Variants in POLQ observed in about 807,000 individuals in gnomAD.
POLQ encodes DNA polymerase theta.
POLQ carries 233 observed loss-of-function variants against 259.2 expected under a neutral mutation model. That is an observed-to-expected ratio of 0.90 (90% CI 0.81 to 1.00). POLQ has a LOEUF of 1.00. POLQ is among the 50% of genes least tolerant of loss of function. The probability of loss-of-function intolerance (pLI) is 0.00; values close to 1 mark genes in which losing one functional copy is unlikely to be tolerated. For missense variants in POLQ, 2,871 were observed against 3,051.6 expected (o/e 0.94, Z 1.39); for synonymous variants, 1,025 against 1,048.8 (o/e 0.98, Z 0.44).
intron 19 of POLQ, among the ~76,000 whole-genome samples, chr3:121,477,410 T>C (rs1006378662): frequency 1.3e-5 from 2 of 152,104 alleles, no homozygotes; most frequent in African/African-American, 4.8e-5. Flanking sequence ...AATTCTACAT[T>C]TAGACTTGGG....
chr3:121,468,952 C>T (rs2047860955), intron 22 of POLQ, among the ~76,000 whole-genome samples: 1 of 152,048 alleles, frequency 6.6e-6, no homozygotes, highest in Non-Finnish European at 1.5e-5. Flanking sequence ...GTAAATTTTC[C>T]AGTGAACAGA....
At chr3:121,444,433 G>A (rs1295245640) in intron 26 of POLQ, among the ~76,000 whole-genome samples, 2 of 152,066 alleles carry the variant, frequency 1.3e-5, no homozygotes, top group African/African-American at 4.8e-5. Context: ...ATGTTTGTAT[G>A]TTGATCTTGT....
chr3:121,539,672 C>T (rs2108821426), intron 3 of POLQ, 83 bp from the exon 4 acceptor site: 2 of 994,426 alleles, frequency 2.0e-6, no homozygotes, highest in East Asian at 2.4e-5. Flanking sequence ...AGAACATAGA[C>T]ATAAGTATCT....
At chr3:121,529,503 C>G in intron 7 of POLQ, 142 bp downstream of exon 7, 1 of 768,158 alleles carries the variant, frequency 1.3e-6, no homozygotes. Flanking sequence ...CGCAAAAGCA[C>G]AGTTTGGTAA....
chr3:121,486,559 A>G (rs1189584872), intron 16 of POLQ, among the ~76,000 whole-genome samples: 1 of 151,634 alleles, frequency 6.6e-6, no homozygotes, highest in Non-Finnish European at 1.5e-5. Context: ...CTAAAAAATA[A>G]TAATAATAAT....
In POLQ at chr3:121,483,586, TAA is replaced by T. The variant is rs78578025; in HGVS notation, c.5774-6_5774-5del. 20,438 of 1,236,430 alleles carry T rather than the reference TAA, an allele frequency of 0.017. 44 individuals are homozygous for T. Among genetic ancestry groups the T allele is most frequent in the African/African-American group, 0.055 (3,270 of 59,174 alleles). The allele number at this position is 1,236,430 out of a possible 1,614,324, so 76.6% of individuals were successfully genotyped here. On this transcript the variant is annotated splice_region_variant and splice_polypyrimidine_tract_variant and intron_variant, in intron 17 of 29. Transcript: ENST00000264233. The stretch of plus-strand genomic sequence containing the variant: ...GGAACCAAACTGGCACTAATTTCTT[TAA>T]AAAAAAAAAAAAAAAGGAAAAAACA...
chr3:121,436,363 T>A, intron 27 of POLQ, 88 bp from the exon 28 acceptor site: 1 of 1,292,150 alleles, frequency 7.7e-7, no homozygotes, highest in South Asian at 1.3e-5. Context: ...GTGCTCACAT[T>A]TGCAGCCAGA....
intron 2 of POLQ, among the ~76,000 whole-genome samples, chr3:121,543,037 G>A (rs1192093408): frequency 1.3e-5 from 2 of 151,996 alleles, no homozygotes; most frequent in African/African-American, 4.8e-5. Context: ...CAGAGGAAAA[G>A]AATGAACTAG....
Position 121,511,992 on chromosome 3 carries a change from T to C in POLQ, c.1506A>G (p.Ser502=). 6.2e-7 allele frequency: 1 copy of C among 1,613,594 alleles called. No individual in the cohort carries two copies. The highest frequency in any genetic ancestry group is 2.2e-5 in the East Asian group (1 of 44,878). ...SILICKNSEK[S]KGIALLQGSL... ...AACCCTGAAGGAGAGCTATGCCTTT[T>C]GATTTCTCAGAGTTCTTACAAATTA... Residue 502 remains serine, a synonymous_variant, in exon 10 of 30, where the codon TCA becomes TCG. Transcript: ENST00000264233.
In POLQ at chr3:121,498,525, A is replaced by G. The variant is rs1188563169; in HGVS notation, c.2105T>C (p.Val702Ala). 6.2e-7 allele frequency: 1 copy of G among 1,614,066 alleles called. No individual in the cohort carries two copies. The highest frequency in any genetic ancestry group is 1.7e-5 in the Admixed American group (1 of 60,012). ...ATGCTGTCTCTCAGTTCTGGCTACT[A>G]CTTTTCCTTTCACACAACGGGCCAA... is the stretch of plus-strand genomic sequence containing the variant. ...GFLARCVKGK[V>A]VARTERQHRQ... The change falls in exon 13 of 30, where the codon GTA becomes GCA. Residue 702 changes from valine to alanine, a missense_variant. Physicochemically the swap from Val to Ala is moderately conservative, Grantham distance 64. Around this residue, in one of 3 missense-constraint regions of POLQ, gnomAD observed 783 missense variants for 906.2 expected, o/e 0.86. Transcript: ENST00000264233.
chr3:121,491,437 T>C (rs997594410), intron 15 of POLQ, among the ~76,000 whole-genome samples: 1 of 146,976 alleles, frequency 6.8e-6, no homozygotes, highest in African/African-American at 2.5e-5. Context: ...GCAAAATATA[T>C]GAAGGGACTA....
rs778237214 is a variant in POLQ, at chr3:121,433,050, G to C, written c.7544-17C>G. ...GTGACAATCCTACTTCATGAAAAAG[G>C]AGCAAAACTGATCAGCATGTCGCTA... On this transcript the variant is annotated splice_polypyrimidine_tract_variant and intron_variant, in intron 28 of 29. Coordinates refer to ENST00000264233, the MANE Select transcript of POLQ (RefSeq NM_199420.4). 1.4e-5 allele frequency: 18 copies of C among 1,325,632 alleles called. No individual in the cohort carries two copies. The highest frequency in any genetic ancestry group is 2.0e-5 in the Non-Finnish European group (18 of 917,164). 82.1% of individuals were successfully genotyped at this position (1,325,632 alleles called of 1,614,324 possible).
At chr3:121,433,080 A>T in intron 28 of POLQ, 47 bp from the exon 29 acceptor site, 2 of 991,784 alleles carry the variant, frequency 2.0e-6, no homozygotes, top group Middle Eastern at 4.1e-4. Flanking sequence ...TCGCTAAGTC[A>T]TAGGAGAATG....
intron 15 of POLQ, 119 bp downstream of exon 15, chr3:121,493,359 C>A: frequency 1.3e-6 from 1 of 741,170 alleles, no homozygotes; most frequent in Non-Finnish European, 2.1e-6. Context: ...CTTCCACTTA[C>A]ACCAAGTATA....
chr3:121,526,790 T>C (rs1217715232), intron 7 of POLQ, among the ~76,000 whole-genome samples: 1 of 152,216 alleles, frequency 6.6e-6, no homozygotes, highest in African/African-American at 2.4e-5. Flanking sequence ...TGCTTTAAGT[T>C]GCCATATGGA....
intron 7 of POLQ, among the ~76,000 whole-genome samples, chr3:121,524,918 G>A (rs190947292): frequency 3.7e-4 from 48 of 129,364 alleles, no homozygotes; most frequent in Middle Eastern, 3.7e-3. Context: ...ATGCATGTGC[G>A]TGTATATTTG....
chr3:121,447,853 C>T (rs2047644175), intron 26 of POLQ, among the ~76,000 whole-genome samples: 1 of 152,044 alleles, frequency 6.6e-6, no homozygotes, highest in African/African-American at 2.4e-5. Flanking sequence ...AGCTGTTTTT[C>T]CTTTGACACT....
intron 9 of POLQ, among the ~76,000 whole-genome samples, chr3:121,512,584 T>A (rs1008305673): frequency 1.3e-5 from 2 of 152,212 alleles, no homozygotes; most frequent in Non-Finnish European, 1.5e-5. Flanking sequence ...GACCCCAGGT[T>A]AAACAGTTTC....
chr3:121,445,894 TTG>T (rs2047629182), intron 26 of POLQ, among the ~76,000 whole-genome samples: 1 of 152,014 alleles, frequency 6.6e-6, no homozygotes, highest in Non-Finnish European at 1.5e-5. Flanking sequence ...AACCAACTTT[TTG>T]TTTTGTTGTT....
Sources: allele counts gnomAD v4.1 joint callset (sites outside exome capture counted in the v4.1 genomes callset), GRCh38; gene constraint gnomAD v4.1.1; regional missense constraint gnomAD v4.1.1; transcripts MANE v1.5; gene names NCBI Gene and HGNC (gene_info 2026-07-23, HGNC 2026-07-21).